EFCAB8: variants seen among roughly 807,000 people sequenced by gnomAD.
EFCAB8 encodes EF-hand calcium binding domain 8.
In EFCAB8, 100 loss-of-function variants were observed where a neutral mutation model predicts 116.3. The observed-to-expected ratio is 0.86, with a 90% confidence interval of 0.73 to 1.02. EFCAB8 has a LOEUF of 1.02. Among genes scored for constraint, EFCAB8 ranks in the 50% least tolerant of loss-of-function variants. The pLI is 0.00. For synonymous variants in EFCAB8, 558 were observed against 567.9 expected (o/e 0.98, Z 0.25); for missense variants, 1,320 against 1,416.9 (o/e 0.93, Z 1.10).
At chr20:32,908,996 G>A (rs193135114) in intron 14 of EFCAB8, among the ~76,000 whole-genome samples, 1 of 152,204 alleles carries the variant, frequency 6.6e-6, no homozygotes, top group Admixed American at 6.5e-5. Context: ...GAGGATGGGG[G>A]TAAGGGGGCC....
At chr20:32,913,121 A>G (rs1487119165) in intron 17 of EFCAB8, among the ~76,000 whole-genome samples, 2 of 152,146 alleles carry the variant, frequency 1.3e-5, no homozygotes, top group African/African-American at 4.8e-5. Flanking sequence ...TGGAGTATCT[A>G]TTTCAGTGGG....
At chr20:32,909,436 A>G (rs187502158) in intron 14 of EFCAB8, among the ~76,000 whole-genome samples, 5 of 152,304 alleles carry the variant, frequency 3.3e-5, no homozygotes, top group African/African-American at 1.2e-4. Flanking sequence ...GCTATGTGTT[A>G]TGGTAGAGTT....
At chr20:32,894,585 T>A (rs536562972) in intron 9 of EFCAB8, among the ~76,000 whole-genome samples, 1 of 152,130 alleles carries the variant, frequency 6.6e-6, no homozygotes, top group Non-Finnish European at 1.5e-5. Context: ...AACATGACGA[T>A]GAGGTGGGCC....
chr20:32,893,454 T>C (rs1986015125), intron 9 of EFCAB8, 156 bp downstream of exon 9: 10 of 718,390 alleles, frequency 1.4e-5, no homozygotes, highest in Non-Finnish European at 1.7e-5. Flanking sequence ...GCCGCTCAGC[T>C]CAGCACAGAG....
intron 11 of EFCAB8, among the ~76,000 whole-genome samples, chr20:32,903,245 C>A (rs1290614157): frequency 6.6e-6 from 1 of 152,228 alleles, no homozygotes; most frequent in Non-Finnish European, 1.5e-5. Context: ...GAAGCCTCAC[C>A]CCTCCCCTGG....
intron 9 of EFCAB8, among the ~76,000 whole-genome samples, chr20:32,894,089 C>T (rs1385790238): frequency 6.6e-6 from 1 of 152,184 alleles, no homozygotes; most frequent in African/African-American, 2.4e-5. Context: ...GGCTCAGGGC[C>T]GCCTAGGGAA....
chr20:32,886,156 T>C (rs1264909691), intron 6 of EFCAB8, among the ~76,000 whole-genome samples: 3 of 152,234 alleles, frequency 2.0e-5, no homozygotes, highest in Non-Finnish European at 4.4e-5. Flanking sequence ...AGGTACTATA[T>C]ACTCCCTGTG....
At chr20:32,946,474 T>C (rs1469985961) in intron 23 of EFCAB8, among the ~76,000 whole-genome samples, 3 of 152,264 alleles carry the variant, frequency 2.0e-5, no homozygotes, top group Admixed American at 6.5e-5. Context: ...TTCTGGTCCA[T>C]GTACTGTTGT....
intron 23 of EFCAB8, among the ~76,000 whole-genome samples, chr20:32,947,904 A>T (rs1392405869): frequency 7.7e-6 from 1 of 129,192 alleles, no homozygotes; most frequent in Non-Finnish European, 1.6e-5. Flanking sequence ...CATCTCAATT[A>T]AAAAAAAAAA....
At chr20:32,873,320 C>T (rs536862461) in intron 3 of EFCAB8, among the ~76,000 whole-genome samples, 1 of 151,826 alleles carries the variant, frequency 6.6e-6, no homozygotes, top group South Asian at 2.1e-4. Context: ...ACCTCGTGAT[C>T]CACCTGCCTC....
chr20:32,919,943 T>A, intron 19 of EFCAB8, 135 bp from the exon 20 acceptor site: 1 of 1,180,784 alleles, frequency 8.5e-7, no homozygotes. Context: ...CACTGAGCGC[T>A]GCTTTTCCCA....
rs528462676 is a variant in EFCAB8, at chr20:32,887,311, C to T, written c.567+1671C>T. ...AAATACAGCGCCAGGCGCGGAGGCT[C>T]ACGCCTGTAATCCCAGCACTTTGGG... is the stretch of plus-strand genomic sequence containing the variant. On this transcript the variant is annotated intron_variant, in intron 6 of 26. Coordinates refer to ENST00000400522, the MANE Select transcript of EFCAB8 (RefSeq NM_001143967.2). 1.3e-3 allele frequency among the ~76,000 whole-genome samples: 201 copies of T among 152,388 alleles called. 1 individual carries two copies. The highest frequency in any genetic ancestry group is 4.5e-3 in the African/African-American group (186 of 41,596).
intron 22 of EFCAB8, among the ~76,000 whole-genome samples, chr20:32,939,259 A>C (rs992383580): frequency 4.7e-5 from 3 of 63,942 alleles, no homozygotes; most frequent in African/African-American, 6.8e-5. Context: ...TTCCTTCCAT[A>C]TTCTCTCTCT....
At chr20:32,889,079 AAAG>A (rs1352007438) in intron 6 of EFCAB8, among the ~76,000 whole-genome samples, 1 of 152,052 alleles carries the variant, frequency 6.6e-6, no homozygotes, top group Non-Finnish European at 1.5e-5. Flanking sequence ...AAGGGGTTTT[AAAG>A]AAGGTGTTCT....
At chr20:32,939,367 C>G (rs1444401773) in intron 22 of EFCAB8, among the ~76,000 whole-genome samples, 1 of 145,682 alleles carries the variant, frequency 6.9e-6, no homozygotes, top group East Asian at 2.0e-4. Context: ...ACTGCAACCT[C>G]CGCCTCCCAG....
At chr20:32,953,580 G>C (rs564556907) in intron 23 of EFCAB8, among the ~76,000 whole-genome samples, 1 of 152,300 alleles carries the variant, frequency 6.6e-6, no homozygotes, top group Admixed American at 6.5e-5. Context: ...GATTCATGAG[G>C]TTGGCAATCA....
chr20:32,903,308 C>T (rs1226902289), intron 11 of EFCAB8: 1 of 152,520 alleles, frequency 6.6e-6, no homozygotes, highest in African/African-American at 2.4e-5. Context: ...GCCCTGGACC[C>T]TCCTCAGAGA....
chr20:32,895,599 T>G, intron 9 of EFCAB8, among the ~76,000 whole-genome samples: 1 of 148,276 alleles, frequency 6.7e-6, no homozygotes, highest in Non-Finnish European at 1.5e-5. Flanking sequence ...TAAGGCAGAG[T>G]CTTGCTCTAT....
chr20:32,903,566 C>T (rs1452182138), intron 11 of EFCAB8: 2 of 152,240 alleles, frequency 1.3e-5, no homozygotes, highest in Non-Finnish European at 2.9e-5. Flanking sequence ...GAAATAATTT[C>T]TACTAACATT....
Sources: gnomAD v4.1 joint callset for allele counts (sites outside exome capture counted in the v4.1 genomes callset) on GRCh38, gnomAD v4.1.1 for gene constraint, MANE v1.5 for transcripts, NCBI Gene and HGNC (gene_info 2026-07-23, HGNC 2026-07-21) for gene names.